Variants in PRKG2 observed in about 807,000 individuals in gnomAD.
PRKG2 encodes the protein protein kinase cGMP-dependent 2.
Under a neutral mutation model 97.2 loss-of-function variants are expected in PRKG2, and 33 were observed. The observed-to-expected ratio is 0.34, with a 90% CI of 0.26 to 0.45. The LOEUF is 0.45. PRKG2 is among the 20% of genes least tolerant of loss of function. PRKG2 has a pLI of 1.00. For synonymous variants in PRKG2, 330 were observed against 321.8 expected, an observed-to-expected ratio of 1.03 and a Z score of -0.27; for missense variants, 638 against 900.0, an observed-to-expected ratio of 0.71 and a Z score of 3.73.
chr4:81,199,274 T>C (rs1470376958), intron 2 of PRKG2, among the ~76,000 whole-genome samples: 2 of 152,184 alleles, frequency 1.3e-5, no homozygotes, highest in Non-Finnish European at 2.9e-5. Context: ...TAGCACTTTC[T>C]GGAAGAATCA....
intron 4 of PRKG2, among the ~76,000 whole-genome samples, chr4:81,171,450 T>C (rs1750470976): frequency 6.6e-6 from 1 of 152,134 alleles, no homozygotes; most frequent in Non-Finnish European, 1.5e-5. Flanking sequence ...TCTTTACCGT[T>C]GTGAATAGTT....
At chr4:81,111,133 C>A (rs934743637) in intron 14 of PRKG2, among the ~76,000 whole-genome samples, 8 of 152,050 alleles carry the variant, frequency 5.3e-5, no homozygotes, top group African/African-American at 1.7e-4. Context: ...TCTGGACAGT[C>A]TTTAAAAACC....
chr4:81,092,962 A>C (rs983392529), intron 17 of PRKG2, among the ~76,000 whole-genome samples: 1 of 152,186 alleles, frequency 6.6e-6, no homozygotes, highest in Non-Finnish European at 1.5e-5. Context: ...ACTTAGCAGC[A>C]AGACTGGTCG....
At chr4:81,145,231 A>G (rs1747741656) in intron 9 of PRKG2, among the ~76,000 whole-genome samples, 1 of 152,140 alleles carries the variant, frequency 6.6e-6, no homozygotes, top group Non-Finnish European at 1.5e-5. Flanking sequence ...CCAACGGTGT[A>G]AAAGTGTTCC....
chr4:81,168,703 C>T (rs2110080317), intron 5 of PRKG2, among the ~76,000 whole-genome samples: 1 of 152,094 alleles, frequency 6.6e-6, no homozygotes, highest in Admixed American at 6.6e-5. Context: ...CAGCTCTCTG[C>T]CAGGAGACAT....
chr4:81,103,286 T>C (rs1742991338), intron 17 of PRKG2, among the ~76,000 whole-genome samples: 2 of 152,110 alleles, frequency 1.3e-5, no homozygotes, highest in Admixed American at 1.3e-4. Flanking sequence ...ATTAGGCATA[T>C]CTCCTAATGC....
At chr4:81,131,303 C>T (rs2110020621) in intron 14 of PRKG2, among the ~76,000 whole-genome samples, 1 of 149,476 alleles carries the variant, frequency 6.7e-6, no homozygotes, top group East Asian at 1.9e-4. Context: ...AGCTCACCCA[C>T]TGTCTAACCA....
At chr4:81,162,176 C>T (rs1233799434) in intron 6 of PRKG2, among the ~76,000 whole-genome samples, 1 of 152,074 alleles carries the variant, frequency 6.6e-6, no homozygotes, top group African/African-American at 2.4e-5. Context: ...CTAGTTAAGA[C>T]GGTGTATCTA....
At chr4:81,179,358 A>C (rs1411703633) in intron 2 of PRKG2, among the ~76,000 whole-genome samples, 1 of 152,226 alleles carries the variant, frequency 6.6e-6, no homozygotes, top group Non-Finnish European at 1.5e-5. Flanking sequence ...TTCAACAGAA[A>C]TAACAGAAGC....
intron 9 of PRKG2, among the ~76,000 whole-genome samples, chr4:81,144,566 T>C (rs1747625961): frequency 6.6e-6 from 1 of 150,824 alleles, no homozygotes; most frequent in African/African-American, 2.4e-5. Flanking sequence ...AGGAAACTTT[T>C]TTATAGTTTT....
chr4:81,148,480 ATTT>A (rs1483159070), intron 9 of PRKG2, among the ~76,000 whole-genome samples: 1 of 152,196 alleles, frequency 6.6e-6, no homozygotes, highest in Admixed American at 6.5e-5. Context: ...GCTAATATAT[ATTT>A]TATGCTTTGA....
intron 2 of PRKG2, among the ~76,000 whole-genome samples, chr4:81,183,701 C>T (rs781081313): frequency 9.2e-5 from 14 of 152,010 alleles, no homozygotes; most frequent in Non-Finnish European, 1.6e-4. Context: ...TCTAGCTCAG[C>T]GGATCCCACC....
At position 81,159,738 on chromosome 4, in the gene PRKG2, A is replaced by G. The variant is rs1749442571; in HGVS notation, c.913-6017T>C. Among the ~76,000 whole-genome samples the G allele has an allele frequency of 3.9e-5, 6 of 152,002 alleles. No homozygotes were observed. In the South Asian group the frequency reaches 1.2e-3, roughly 32 times the overall value. On this transcript the variant is annotated intron_variant, in intron 6 of 18. Coordinates refer to ENST00000264399, the MANE Select transcript of PRKG2 (RefSeq NM_006259.3). ...TGTCCAACAATGATAGACTGGATTA[A>G]GAAAATGTGGCACATATACACCATG...
intron 2 of PRKG2, among the ~76,000 whole-genome samples, chr4:81,201,912 T>C (rs1753338563): frequency 6.6e-6 from 1 of 152,156 alleles, no homozygotes; most frequent in Admixed American, 6.5e-5. Context: ...TTGTCCAAAA[T>C]GTAGTTGATG....
intron 14 of PRKG2, among the ~76,000 whole-genome samples, chr4:81,114,444 ATCT>A (rs1186550694): frequency 6.6e-6 from 1 of 152,176 alleles, no homozygotes; most frequent in African/African-American, 2.4e-5. Context: ...TTCAAAGGGA[ATCT>A]TCTTATATAA....
chr4:81,126,563 G>T (rs555084548), intron 14 of PRKG2, among the ~76,000 whole-genome samples: 1 of 152,218 alleles, frequency 6.6e-6, no homozygotes, highest in South Asian at 2.1e-4. Flanking sequence ...CTTAATGATT[G>T]CCCTTCTAAC....
At chr4:81,134,313 G>C (rs1337728069) in intron 14 of PRKG2, among the ~76,000 whole-genome samples, 1 of 152,166 alleles carries the variant, frequency 6.6e-6, no homozygotes, top group Non-Finnish European at 1.5e-5. Context: ...TTTAAATATA[G>C]TAACTGCCCA....
At chr4:81,136,122 T>C (rs1304174497) in intron 13 of PRKG2, among the ~76,000 whole-genome samples, 2 of 152,184 alleles carry the variant, frequency 1.3e-5, no homozygotes, top group Admixed American at 6.6e-5. Context: ...TAGAAGACGC[T>C]AATGCATTTG....
chr4:81,194,379 G>T (rs1294649220), intron 2 of PRKG2, among the ~76,000 whole-genome samples: 1 of 149,440 alleles, frequency 6.7e-6, no homozygotes, highest in Non-Finnish European at 1.5e-5. Flanking sequence ...CCCATCCCCA[G>T]ATAATTGTTT....
Sources: allele counts gnomAD v4.1 joint callset (sites outside exome capture counted in the v4.1 genomes callset), GRCh38; gene constraint gnomAD v4.1.1; transcripts MANE v1.5; gene names NCBI Gene and HGNC (gene_info 2026-07-23, HGNC 2026-07-21).